ST6GALNAC5: variants seen among roughly 807,000 people sequenced by gnomAD.
ST6GALNAC5 encodes the protein alpha-N-acetylgalactosaminide alpha-2,6-sialyltransferase 5.
In ST6GALNAC5, 27 loss-of-function variants were observed where a neutral mutation model predicts 33.6. The ratio of observed to expected loss-of-function variants is 0.80; its 90% CI spans 0.59 to 1.11. ST6GALNAC5 has a LOEUF of 1.11. Ranked by LOEUF, ST6GALNAC5 falls within the 50% of genes least tolerant of loss-of-function variation. The pLI is 0.00. For missense variants in ST6GALNAC5, 428 were observed against 454.0 expected (o/e 0.94, Z 0.52); for synonymous variants, 194 against 171.2 (o/e 1.13, Z -1.04).
At chr1:77,016,236 C>G (rs1476764362) in intron 2 of ST6GALNAC5, among the ~76,000 whole-genome samples, 10 of 100,418 alleles carry the variant, frequency 1.0e-4, no homozygotes, top group African/African-American at 2.0e-4. Flanking sequence ...TCCCCCTCCT[C>G]CTCCTGTATC....
intron 2 of ST6GALNAC5, among the ~76,000 whole-genome samples, chr1:76,980,063 A>G (rs1263729707): frequency 6.6e-6 from 1 of 152,194 alleles, no homozygotes; most frequent in Admixed American, 6.5e-5. Context: ...AAGGACAGAC[A>G]GCATAACTAT....
intron 2 of ST6GALNAC5, among the ~76,000 whole-genome samples, chr1:76,916,140 G>C (rs1332804901): frequency 6.6e-6 from 1 of 152,052 alleles, no homozygotes; most frequent in Non-Finnish European, 1.5e-5. Flanking sequence ...TCCAAATTTT[G>C]ATTGAAAGCA....
At chr1:76,885,933 G>A (rs966097489) in intron 2 of ST6GALNAC5, among the ~76,000 whole-genome samples, 6 of 152,156 alleles carry the variant, frequency 3.9e-5, no homozygotes, top group African/African-American at 9.7e-5. Flanking sequence ...CTACTTGGAG[G>A]GTATGGCCTG....
At chr1:77,033,032 C>A (rs1034579286) in intron 2 of ST6GALNAC5, among the ~76,000 whole-genome samples, 1 of 152,140 alleles carries the variant, frequency 6.6e-6, no homozygotes. Flanking sequence ...GCGCAGGGGG[C>A]CTTTATGTCC....
intron 2 of ST6GALNAC5, among the ~76,000 whole-genome samples, chr1:76,895,070 C>A (rs1654098024): frequency 6.6e-6 from 1 of 152,056 alleles, no homozygotes; most frequent in Non-Finnish European, 1.5e-5. Flanking sequence ...AGGAATTTCA[C>A]AAGACAGTGT....
chr1:76,879,815 A>G (rs955923544), intron 2 of ST6GALNAC5, among the ~76,000 whole-genome samples: 1 of 151,858 alleles, frequency 6.6e-6, no homozygotes, highest in African/African-American at 2.4e-5. Flanking sequence ...CAGTATCCCC[A>G]GCTTCATTAG....
intron 2 of ST6GALNAC5, among the ~76,000 whole-genome samples, chr1:76,949,958 G>A (rs113235348): frequency 6.6e-6 from 1 of 152,124 alleles, no homozygotes; most frequent in Non-Finnish European, 1.5e-5. Flanking sequence ...TGGGTTTAGA[G>A]AGAGGACTTT....
At chr1:76,935,977 A>G (rs1647198834) in intron 2 of ST6GALNAC5, among the ~76,000 whole-genome samples, 1 of 152,058 alleles carries the variant, frequency 6.6e-6, no homozygotes, top group Non-Finnish European at 1.5e-5. Flanking sequence ...ACACCAGATG[A>G]AGCTGAGATT....
At chr1:76,996,927 A>G (rs1303738014) in intron 2 of ST6GALNAC5, among the ~76,000 whole-genome samples, 1 of 152,202 alleles carries the variant, frequency 6.6e-6, no homozygotes, top group African/African-American at 2.4e-5. Context: ...CATGAGAGTA[A>G]TCTTCCAGGA....
At chr1:76,959,967 C>T (rs1263211633) in intron 2 of ST6GALNAC5, among the ~76,000 whole-genome samples, 1 of 152,124 alleles carries the variant, frequency 6.6e-6, no homozygotes. Context: ...AAGAAAGACA[C>T]CTGAGCGGGA....
At chr1:76,928,260 T>C (rs1443740607) in intron 2 of ST6GALNAC5, among the ~76,000 whole-genome samples, 4 of 152,184 alleles carry the variant, frequency 2.6e-5, no homozygotes, top group Non-Finnish European at 5.9e-5. Flanking sequence ...ATCTGAATTG[T>C]TTTGAATACT....
chr1:77,050,837 C>T (rs1381368864), intron 4 of ST6GALNAC5, among the ~76,000 whole-genome samples: 2 of 152,244 alleles, frequency 1.3e-5, no homozygotes, highest in Non-Finnish European at 2.9e-5. Context: ...GCCAAAAGCA[C>T]AGGCATAAAT....
intron 2 of ST6GALNAC5, among the ~76,000 whole-genome samples, chr1:77,043,064 C>T (rs1651885676): frequency 6.6e-6 from 1 of 152,186 alleles, no homozygotes; most frequent in South Asian, 2.1e-4. Flanking sequence ...TGAATATATG[C>T]ACTACTAAGT....
chr1:76,936,136 C>G (rs1007174017), intron 2 of ST6GALNAC5, among the ~76,000 whole-genome samples: 1 of 152,052 alleles, frequency 6.6e-6, no homozygotes, highest in Non-Finnish European at 1.5e-5. Flanking sequence ...GCTAACATAA[C>G]AGGCAATAGA....
intron 2 of ST6GALNAC5, among the ~76,000 whole-genome samples, chr1:76,986,344 A>C (rs539047704): frequency 6.6e-6 from 1 of 152,350 alleles, no homozygotes; most frequent in East Asian, 1.9e-4. Context: ...CCCATCAAAA[A>C]GTGTGCAAAG....
At chr1:77,046,833 G>A (rs967464844) in intron 3 of ST6GALNAC5, among the ~76,000 whole-genome samples, 6 of 152,156 alleles carry the variant, frequency 3.9e-5, no homozygotes, top group South Asian at 4.2e-4. Context: ...AAACACTGCC[G>A]CAATGTTAGC....
chr1:76,996,376 A>G (rs1460496026), intron 2 of ST6GALNAC5, among the ~76,000 whole-genome samples: 2 of 151,912 alleles, frequency 1.3e-5, no homozygotes, highest in Non-Finnish European at 2.9e-5. Flanking sequence ...AAAAACTTCC[A>G]GGACGCAAAC....
intron 2 of ST6GALNAC5, among the ~76,000 whole-genome samples, chr1:76,977,602 C>G (rs1020547551): frequency 7.2e-5 from 11 of 152,156 alleles, no homozygotes; most frequent in Admixed American, 7.2e-4. Context: ...CTTCACTTAA[C>G]ATAATGTCCT....
chr1:76,897,078 G>C (rs1330888801), intron 2 of ST6GALNAC5, among the ~76,000 whole-genome samples: 1 of 152,158 alleles, frequency 6.6e-6, no homozygotes. Context: ...TGCCGAGATA[G>C]GTAACAGATG....
Sources: gnomAD v4.1 joint callset for allele counts (sites outside exome capture counted in the v4.1 genomes callset) on GRCh38, gnomAD v4.1.1 for gene constraint, MANE v1.5 for transcripts, NCBI Gene and HGNC (gene_info 2026-07-23, HGNC 2026-07-21) for gene names.